SIPA1L3: variants seen among roughly 807,000 people sequenced by gnomAD.
The protein encoded by SIPA1L3 is signal induced proliferation associated 1 like 3, also known as signal-induced proliferation-associated 1-like protein 3.
Under a neutral mutation model 150.1 loss-of-function variants are expected in SIPA1L3, and 59 were observed. That is an observed-to-expected ratio of 0.39 (90% CI 0.32 to 0.49). The LOEUF (loss-of-function observed/expected upper bound fraction) is 0.49, where lower values mean the gene tolerates loss of function less well. Among genes scored for constraint, SIPA1L3 ranks in the 20% least tolerant of loss-of-function variants. SIPA1L3 has a pLI of 0.86. For synonymous variants in SIPA1L3, 1,070 were observed against 1,077.6 expected (o/e 0.99, Z 0.14); for missense variants, 2,211 against 2,489.5 (o/e 0.89, Z 2.38).
chr19:37,914,537 T>A (rs8113273), intron 1 of SIPA1L3, among the ~76,000 whole-genome samples: 57,458 of 151,212 alleles, frequency 0.38, 13,727 homozygotes, highest in East Asian at 0.7. Flanking sequence ...ACCTGGCTAA[T>A]TTTTTTTTGG....
At chr19:38,050,215 G>T (rs1033758334) in intron 2 of SIPA1L3, among the ~76,000 whole-genome samples, 5 of 152,308 alleles carry the variant, frequency 3.3e-5, no homozygotes, top group African/African-American at 1.2e-4. Context: ...CAACACTTTG[G>T]GAGGCCGAGG....
intron 4 of SIPA1L3, among the ~76,000 whole-genome samples, chr19:38,091,089 ATATACT>A (rs1157022632): frequency 6.6e-6 from 1 of 152,210 alleles, no homozygotes; most frequent in Non-Finnish European, 1.5e-5. Flanking sequence ...GCCTACAGTC[ATATACT>A]TATAAATAGG....
chr19:38,146,803 C>G (rs913814554), intron 12 of SIPA1L3, among the ~76,000 whole-genome samples: 1 of 152,118 alleles, frequency 6.6e-6, no homozygotes, highest in Non-Finnish European at 1.5e-5. Flanking sequence ...TTGCATGTTC[C>G]TAATGGCTAA....
At chr19:37,944,769 G>A (rs1191017511) in intron 1 of SIPA1L3, among the ~76,000 whole-genome samples, 1 of 152,040 alleles carries the variant, frequency 6.6e-6, no homozygotes, top group Non-Finnish European at 1.5e-5. Flanking sequence ...TGGCCAACAT[G>A]GTGAAACCCC....
intron 18 of SIPA1L3, among the ~76,000 whole-genome samples, chr19:38,196,030 C>A (rs552400945): frequency 1.3e-5 from 2 of 152,276 alleles, no homozygotes; most frequent in East Asian, 3.9e-4. Flanking sequence ...CTCCCCCACA[C>A]CCCTGAGCTG....
At chr19:38,131,267 A>C (rs1971300316) in intron 10 of SIPA1L3, among the ~76,000 whole-genome samples, 1 of 152,236 alleles carries the variant, frequency 6.6e-6, no homozygotes, top group Admixed American at 6.5e-5. Context: ...CTCAGAAGGA[A>C]ATTAAAGCAG....
intron 3 of SIPA1L3, among the ~76,000 whole-genome samples, chr19:38,087,396 C>T (rs1391833309): frequency 1.3e-5 from 2 of 152,134 alleles, no homozygotes; most frequent in Non-Finnish European, 2.9e-5. Context: ...TCATTAATTA[C>T]CACACAGTAT....
At chr19:38,115,676 C>T (rs1970866829) in intron 8 of SIPA1L3, among the ~76,000 whole-genome samples, 1 of 152,186 alleles carries the variant, frequency 6.6e-6, no homozygotes, top group Non-Finnish European at 1.5e-5. Context: ...GCACTCTCCC[C>T]CAGCTCTTCC....
At chr19:38,084,928 C>G (rs1970093241) in intron 3 of SIPA1L3, among the ~76,000 whole-genome samples, 1 of 151,940 alleles carries the variant, frequency 6.6e-6, no homozygotes. Flanking sequence ...GCGTGAGCCA[C>G]CATGCCCAGC....
chr19:38,082,372 C>G lies in SIPA1L3; in HGVS notation c.807C>G (p.Asp269Glu). Residue 269 changes from aspartate to glutamate, a missense_variant, in exon 3 of 22, where the codon GAC becomes GAG. Around this residue, in one of 5 missense-constraint regions of SIPA1L3, gnomAD observed 587 missense variants for 534.5 expected, o/e 1.10. Transcript: ENST00000222345. ...GDSHNGQPAKDSLLPLQPTKE... is the reference protein window; with the variant it reads ...GDSHNGQPAKESLLPLQPTKE... The stretch of plus-strand genomic sequence containing the variant: ...CCCACAACGGGCAGCCCGCCAAGGA[C>G]AGCCTCCTGCCACTGCAGCCCACGA... The G allele has an allele frequency of 6.3e-7, 1 of 1,597,466 alleles. No homozygotes were observed. The highest frequency in any genetic ancestry group is 1.7e-5 in the Admixed American group (1 of 59,356).
chr19:37,998,643 C>G (rs1264423623), intron 1 of SIPA1L3, among the ~76,000 whole-genome samples: 1 of 152,014 alleles, frequency 6.6e-6, no homozygotes, highest in East Asian at 1.9e-4. Flanking sequence ...AATTAATTAA[C>G]CAGACATGGT....
intron 1 of SIPA1L3, among the ~76,000 whole-genome samples, chr19:37,956,630 C>T (rs1469631927): frequency 6.6e-6 from 1 of 151,818 alleles, no homozygotes. Context: ...ATTACATGCA[C>T]ACGCCACCAT....
At chr19:38,163,545 T>G (rs1462504691) in intron 14 of SIPA1L3, among the ~76,000 whole-genome samples, 1 of 142,596 alleles carries the variant, frequency 7.0e-6, no homozygotes, top group African/African-American at 2.7e-5. Flanking sequence ...GCACTGCAGC[T>G]CAAGGATGAT....
At chr19:37,969,222 G>T (rs1039045760) in intron 1 of SIPA1L3, among the ~76,000 whole-genome samples, 1 of 145,648 alleles carries the variant, frequency 6.9e-6, no homozygotes, top group Non-Finnish European at 1.5e-5. Context: ...AATAAAGAGA[G>T]ACCCCATCTC....
At chr19:38,137,780 G>GT (rs1328208406) in intron 10 of SIPA1L3, among the ~76,000 whole-genome samples, 2 of 152,172 alleles carry the variant, frequency 1.3e-5, no homozygotes, top group South Asian at 4.2e-4. Flanking sequence ...GCCCAGCTAT[G>GT]TTTTTCTCTT....
At position 38,088,646 on chromosome 19, in the gene SIPA1L3, C is replaced by T. The variant is rs1970193313; in HGVS notation, c.1535-75C>T. 3 of 1,557,842 alleles carry T rather than the reference C, an allele frequency of 1.9e-6. No homozygotes were observed. In the East Asian group the frequency reaches 7.1e-5, roughly 37 times the overall value. ...ACAGGACCCTGCCTGGTCGCCCTGT[C>T]TGCAGGCCTGCTGGGCATCAGGGCC... On this transcript the variant is annotated intron_variant, in intron 3 of 21. Transcript: ENST00000222345.
Position 38,164,753 on chromosome 19 carries a change from G to C in SIPA1L3, c.4055G>C (p.Gly1352Ala). 1 of 1,612,946 alleles carries C rather than the reference G, an allele frequency of 6.2e-7. No homozygotes were observed. Among genetic ancestry groups the C allele is most frequent in the South Asian group, 1.1e-5 (1 of 91,002 alleles). Residue 1352 changes from glycine (G) to alanine (A), a missense_variant, in exon 15 of 22, where the codon GGG (glycine) becomes GCG (alanine). This residue lies in a region of SIPA1L3 where 806 missense variants were observed against 870.1 expected (regional missense o/e 0.93). Coordinates refer to ENST00000222345, the MANE Select transcript of SIPA1L3 (RefSeq NM_015073.3). The surrounding 1 kb of genome is among the most constrained non-coding windows in gnomAD (Gnocchi z 4.1). ...TGTGGCGGGGGTCGCGAGGCCGCTG[G>C]GAGGTCCCACCACGCAGACAGGCGG... ...GLCGGGREAAGRSHHADRRRE... is the reference protein window; with the variant it reads ...GLCGGGREAAARSHHADRRRE...
intron 19 of SIPA1L3, among the ~76,000 whole-genome samples, chr19:38,201,479 C>T (rs778015927): frequency 2.6e-5 from 4 of 152,212 alleles, no homozygotes; most frequent in Admixed American, 1.3e-4. Context: ...GGCGCCAGCC[C>T]GTCCACTTTG....
At chr19:37,973,101 A>AGTCAAT (rs1162966583) in intron 1 of SIPA1L3, among the ~76,000 whole-genome samples, 1 of 152,054 alleles carries the variant, frequency 6.6e-6, no homozygotes, top group Non-Finnish European at 1.5e-5. Flanking sequence ...GGGGACAAGA[A>AGTCAAT]GTCAATACTG....
Sources: allele counts gnomAD v4.1 joint callset (sites outside exome capture counted in the v4.1 genomes callset), GRCh38; gene constraint gnomAD v4.1.1; regional missense constraint gnomAD v4.1.1; non-coding constraint Gnocchi (gnomAD v3.1); transcripts MANE v1.5; gene names NCBI Gene and HGNC (gene_info 2026-07-23, HGNC 2026-07-21).